LHPP: variants seen among roughly 807,000 people sequenced by gnomAD.
The protein encoded by LHPP is phospholysine phosphohistidine inorganic pyrophosphate phosphatase, also known as hLHPP.
In LHPP, 24 loss-of-function variants were observed where a neutral mutation model predicts 30.3. The observed-to-expected ratio is 0.79, with a 90% CI of 0.57 to 1.11. The LOEUF (loss-of-function observed/expected upper bound fraction) is 1.11, where lower values mean the gene tolerates loss of function less well. LHPP is among the 50% of genes most tolerant of loss of function. LHPP has a pLI of 0.00. For missense variants in LHPP, 356 were observed against 367.2 expected, an observed-to-expected ratio of 0.97 and a Z score of 0.25; for synonymous variants, 150 against 157.1, an observed-to-expected ratio of 0.95 and a Z score of 0.34.
At chr10:124,569,917 A>G (rs1032051754) in intron 6 of LHPP, among the ~76,000 whole-genome samples, 66 of 152,302 alleles carry the variant, frequency 4.3e-4, no homozygotes, top group African/African-American at 1.6e-3. Flanking sequence ...AAGATGTAGA[A>G]CATTCCAGCA....
intron 1 of LHPP, among the ~76,000 whole-genome samples, chr10:124,472,451 A>C (rs994755915): frequency 3.3e-5 from 5 of 152,196 alleles, no homozygotes; most frequent in African/African-American, 1.2e-4. Context: ...AGACTGTTAG[A>C]CAGCTATGAA....
intron 6 of LHPP, chr10:124,605,096 C>T (rs1394695831): frequency 6.6e-6 from 1 of 152,362 alleles, no homozygotes; most frequent in Non-Finnish European, 1.5e-5. Context: ...TGGGGCCTGG[C>T]CACCATTTTC....
intron 6 of LHPP, among the ~76,000 whole-genome samples, chr10:124,559,042 T>A (rs74160933): frequency 0.01 from 1,582 of 152,238 alleles, 20 homozygotes; most frequent in African/African-American, 0.037. Flanking sequence ...TATTCTCCCA[T>A]CTGGCCCTCG....
At chr10:124,539,659 C>G (rs1262171820) in intron 6 of LHPP, among the ~76,000 whole-genome samples, 1 of 150,508 alleles carries the variant, frequency 6.6e-6, no homozygotes, top group African/African-American at 2.5e-5. Context: ...TCACTTGAAC[C>G]TGGGAAGTAG....
chr10:124,481,334 C>T (rs539768143), intron 1 of LHPP, among the ~76,000 whole-genome samples: 89 of 149,998 alleles, frequency 5.9e-4, no homozygotes, highest in Admixed American at 1.5e-3. Flanking sequence ...TTGGGGCCCT[C>T]TCTCACTGGT....
rs535111391 is a variant in LHPP at position 124,555,253 on chromosome 10, G to A, written c.716+37982G>A. ...GTAGTGGAGAACAGGCAGGGTGGGC[G>A]AACTCCTGGCTGGACCACAGCCACA... On this transcript the variant is annotated intron_variant, in intron 6 of 6. Coordinates refer to ENST00000368842, the MANE Select transcript of LHPP (RefSeq NM_022126.4). Among the ~76,000 whole-genome samples the A allele has an allele frequency of 1.5e-4, 23 of 152,298 alleles. 1 individual carries two copies. The highest frequency in any genetic ancestry group is 4.8e-4 in the African/African-American group (20 of 41,564).
chr10:124,562,305 T>TCAGA (rs1948408520), intron 6 of LHPP, among the ~76,000 whole-genome samples: 1 of 150,058 alleles, frequency 6.7e-6, no homozygotes, highest in East Asian at 2.0e-4. Flanking sequence ...AGACCCTGTC[T>TCAGA]CAAACAAACA....
At chr10:124,467,645 C>T (rs1952593030) in intron 1 of LHPP, among the ~76,000 whole-genome samples, 1 of 151,212 alleles carries the variant, frequency 6.6e-6, no homozygotes, top group African/African-American at 2.4e-5. Context: ...CCCAAGTTTC[C>T]CAGATAGCTG....
At chr10:124,522,119 C>T (rs1024205631) in intron 6 of LHPP, among the ~76,000 whole-genome samples, 5 of 152,206 alleles carry the variant, frequency 3.3e-5, no homozygotes, top group Non-Finnish European at 7.4e-5. Context: ...AAAGCATCAT[C>T]CCCGGGCAGG....
intron 5 of LHPP, among the ~76,000 whole-genome samples, chr10:124,508,646 T>C (rs563721181): frequency 6.6e-6 from 1 of 151,892 alleles, no homozygotes; most frequent in African/African-American, 2.4e-5. Context: ...GTATTTAAAA[T>C]ATCTGATTAT....
intron 1 of LHPP, among the ~76,000 whole-genome samples, chr10:124,477,626 G>C (rs1952991797): frequency 6.6e-6 from 1 of 152,090 alleles, no homozygotes; most frequent in Non-Finnish European, 1.5e-5. Context: ...TCCCAGTAAA[G>C]CACCTACTGT....
chr10:124,498,400 G>A, intron 5 of LHPP: 2 of 1,546,890 alleles, frequency 1.3e-6, no homozygotes, highest in Non-Finnish European at 1.7e-6. Flanking sequence ...TCTCTGAAAG[G>A]ATAAGAATTG....
chr10:124,498,683 G>A, intron 5 of LHPP: 1 of 163,780 alleles, frequency 6.1e-6, no homozygotes, highest in Non-Finnish European at 1.0e-5. Context: ...TTTTTTTTTT[G>A]AGCCAATGTC....
Position 124,594,737 on chromosome 10 carries a change from TCTC to T in LHPP, c.717-18524_717-18522del, listed in dbSNP as rs369571085. 3.0e-4 allele frequency among the ~76,000 whole-genome samples: 45 copies of T among 152,016 alleles called. No individual in the cohort carries two copies. In the East Asian group the frequency reaches 7.8e-3, roughly 26 times the overall value. ...CCTCTGCCTCCTGGGTCCAAGCAAT[TCTC>T]CTGCCTCAGCCTCCTGAGTAGCTTG... On this transcript the variant is annotated intron_variant, in intron 6 of 6. Coordinates refer to ENST00000368842, the MANE Select transcript of LHPP (RefSeq NM_022126.4).
At position 124,478,761 on chromosome 10, in the gene LHPP, C is replaced by T. The variant is rs1309118030; in HGVS notation, c.126-5378C>T. 2.0e-5 allele frequency among the ~76,000 whole-genome samples: 3 copies of T among 152,132 alleles called. No homozygotes were observed. The highest frequency in any genetic ancestry group is 4.4e-5 in the Non-Finnish European group (3 of 68,020). On this transcript the variant is annotated intron_variant, in intron 1 of 6. Transcript: ENST00000368842. The surrounding 1 kb of genome is among the most constrained non-coding windows in gnomAD (Gnocchi z 4.7). ...TGAGGTAAAGGTCAGTTCAAAGATC[C>T]AGTTTGGGCCAGGCGCGGTGGCTCA...
chr10:124,572,475 A>G (rs1418565412), intron 6 of LHPP, among the ~76,000 whole-genome samples: 1 of 152,036 alleles, frequency 6.6e-6, no homozygotes, highest in Non-Finnish European at 1.5e-5. Context: ...TACTAAAGAT[A>G]CAAACATTAG....
chr10:124,542,137 T>G (rs966427606), intron 6 of LHPP, among the ~76,000 whole-genome samples: 11 of 152,062 alleles, frequency 7.2e-5, no homozygotes, highest in African/African-American at 2.7e-4. Flanking sequence ...CAGTTAGAGC[T>G]GACCAGCACC....
intron 6 of LHPP, among the ~76,000 whole-genome samples, chr10:124,578,191 C>G (rs1948693377): frequency 2.0e-5 from 3 of 152,232 alleles, no homozygotes; most frequent in Non-Finnish European, 4.4e-5. Context: ...TCACAGGTTG[C>G]TCCCTGCTGA....
chr10:124,522,822 T>A lies in LHPP; in HGVS notation c.716+5551T>A, dbSNP rs147733217. Among the ~76,000 whole-genome samples, 632 of 150,772 alleles carry A rather than the reference T, an allele frequency of 4.2e-3. 3 individuals are homozygous for A. Among genetic ancestry groups the A allele is most frequent in the South Asian group, 0.021 (102 of 4,788 alleles). On this transcript the variant is annotated intron_variant, in intron 6 of 6. Transcript: ENST00000368842. ...GGGGCTGGGCTGGGAGCCTGCGCCC[T>A]CCCATTCTGACAAATGAGTAGAGGG...
Sources: gnomAD v4.1 joint callset for allele counts (sites outside exome capture counted in the v4.1 genomes callset) on GRCh38, gnomAD v4.1.1 for gene constraint, Gnocchi (gnomAD v3.1) non-coding constraint, MANE v1.5 for transcripts, NCBI Gene and HGNC (gene_info 2026-07-23, HGNC 2026-07-21) for gene names.